The following FRYL variants were observed in gnomAD, a reference collection of about 807,000 sequenced individuals.
FRYL encodes the protein protein furry homolog-like.
FRYL carries 150 observed loss-of-function variants against 351.2 expected under a neutral mutation model. The ratio of observed to expected loss-of-function variants is 0.43; its 90% CI spans 0.37 to 0.49. The LOEUF is 0.49. Among genes scored for constraint, FRYL ranks in the 20% least tolerant of loss-of-function variants. The pLI is 0.00. For synonymous variants in FRYL, 1,153 were observed against 1,257.1 expected (o/e 0.92, Z 1.75); for missense variants, 3,036 against 3,619.3 (o/e 0.84, Z 4.13).
intron 46 of FRYL, 49 bp downstream of exon 46, chr4:48,540,304 A>AT (rs1560565013): frequency 5.8e-6 from 9 of 1,557,964 alleles, no homozygotes; most frequent in Non-Finnish European, 7.8e-6. Flanking sequence ...ATTAGTTTAC[A>AT]TTTTACTGCA....
intron 2 of FRYL, among the ~76,000 whole-genome samples, chr4:48,689,283 T>C (rs537853510): frequency 1.8e-4 from 28 of 152,332 alleles, no homozygotes; most frequent in African/African-American, 6.5e-4. Context: ...ACAGTTTCAT[T>C]CATTAAATCA....
At position 48,573,183 on chromosome 4, in the gene FRYL, C is replaced by G; in HGVS notation, c.2904+3G>C. 6.2e-7 allele frequency: 1 copy of G among 1,609,462 alleles called. No individual in the cohort carries two copies. Among genetic ancestry groups the G allele is most frequent in the Non-Finnish European group, 8.5e-7 (1 of 1,176,066 alleles). On this transcript the variant is annotated splice_donor_region_variant and intron_variant, in intron 26 of 63. Coordinates refer to ENST00000358350, the MANE Select transcript of FRYL (RefSeq NM_015030.2). ...TAATACAAGGCTGCAGAACACAGCT[C>G]ACCTCTGGCCTTCTTTCGAGTGCTT...
At chr4:48,583,777 C>T (rs1478545482) in intron 19 of FRYL, among the ~76,000 whole-genome samples, 3 of 151,782 alleles carry the variant, frequency 2.0e-5, no homozygotes, top group South Asian at 2.1e-4. Context: ...TGGTGGTGCA[C>T]GCCTGTAATC....
In FRYL at chr4:48,703,705, T is replaced by TA. The variant is rs1370349048; in HGVS notation, c.-204+6813dup. ...CAATGTAATAATGTGTCCCCACTTT[T>TA]ACATTCTCTCTTAGAATTCTTAACC... On this transcript the variant is annotated intron_variant, in intron 2 of 63. Transcript: ENST00000358350. 9.8e-5 allele frequency among the ~76,000 whole-genome samples: 15 copies of TA among 152,346 alleles called. 1 individual carries two copies. Among genetic ancestry groups the TA allele is most frequent in the African/African-American group, 3.4e-4 (14 of 41,590 alleles).
chr4:48,499,285 T>C lies in FRYL; in HGVS notation c.*137A>G, dbSNP rs1719030040. ...TCTTTCAGATCTTTGTTTTTGATGA[T>C]ACAGTTTGACATTAGTTACACTAAA... On this transcript the variant is annotated 3_prime_UTR_variant, in exon 64 of 64. Transcript: ENST00000358350. 19 of 711,278 alleles carry C rather than the reference T, an allele frequency of 2.7e-5. No individual in the cohort carries two copies. Among genetic ancestry groups the C allele is most frequent in the Middle Eastern group, 6.3e-4 (2 of 3,178 alleles). 44.1% of individuals were successfully genotyped at this position (711,278 alleles called of 1,614,324 possible).
At chr4:48,675,160 G>T (rs1282722648) in intron 3 of FRYL, among the ~76,000 whole-genome samples, 1 of 152,210 alleles carries the variant, frequency 6.6e-6, no homozygotes, top group Non-Finnish European at 1.5e-5. Context: ...CCATTCTCCT[G>T]AGAGGTGACA....
intron 29 of FRYL, among the ~76,000 whole-genome samples, 163 bp from the exon 30 acceptor site, chr4:48,565,206 T>G (rs1171135608): frequency 6.6e-6 from 1 of 152,058 alleles, no homozygotes; most frequent in Non-Finnish European, 1.5e-5. Context: ...TAAGTAAATA[T>G]GATACCAAAT....
At chr4:48,637,826 G>A (rs1304638466) in intron 3 of FRYL, 2 of 151,926 alleles carry the variant, frequency 1.3e-5, no homozygotes, top group Non-Finnish European at 2.9e-5. Flanking sequence ...TCTTTTTCAT[G>A]CTGATGAGAC....
At chr4:48,758,287 A>C (rs1321849170) in intron 1 of FRYL, among the ~76,000 whole-genome samples, 1 of 152,266 alleles carries the variant, frequency 6.6e-6, no homozygotes, top group African/African-American at 2.4e-5. Flanking sequence ...ATCAGAGTGA[A>C]CAGGCAACCT....
intron 4 of FRYL, among the ~76,000 whole-genome samples, chr4:48,626,108 C>T (rs867172192): frequency 2.0e-5 from 3 of 151,946 alleles, no homozygotes; most frequent in East Asian, 1.9e-4. Flanking sequence ...AATATAGCCA[C>T]GAAAGTTATG....
At chr4:48,581,392 A>G (rs772051388) in intron 21 of FRYL, 28 bp downstream of exon 21, 2 of 1,575,418 alleles carry the variant, frequency 1.3e-6, no homozygotes, top group Non-Finnish European at 1.7e-6. Flanking sequence ...CTTTCAATAG[A>G]TAACTGAATG....
intron 49 of FRYL, among the ~76,000 whole-genome samples, chr4:48,533,228 G>C (rs1728085122): frequency 6.6e-6 from 1 of 151,748 alleles, no homozygotes; most frequent in South Asian, 2.1e-4. Context: ...ATTCAATGTG[G>C]TATATGTTTC....
At chr4:48,579,414 T>C (rs918633090) in intron 22 of FRYL, among the ~76,000 whole-genome samples, 173 bp from the exon 23 acceptor site, 1 of 152,222 alleles carries the variant, frequency 6.6e-6, no homozygotes, top group Non-Finnish European at 1.5e-5. Flanking sequence ...GTAAAGTTTC[T>C]GTATGTGCAT....
intron 2 of FRYL, among the ~76,000 whole-genome samples, chr4:48,703,035 G>C (rs1040349088): frequency 4.6e-5 from 7 of 152,128 alleles, no homozygotes; most frequent in African/African-American, 1.7e-4. Context: ...ACCCATCTTG[G>C]CTGCCCAAAG....
At chr4:48,730,100 T>C (rs540482506) in intron 1 of FRYL, among the ~76,000 whole-genome samples, 40 of 152,222 alleles carry the variant, frequency 2.6e-4, no homozygotes, top group Non-Finnish European at 4.7e-4. Flanking sequence ...CAAGCTTCAA[T>C]AGCTGAGCCA....
At chr4:48,725,073 A>C (rs1329941142) in intron 1 of FRYL, among the ~76,000 whole-genome samples, 1 of 152,264 alleles carries the variant, frequency 6.6e-6, no homozygotes, top group Non-Finnish European at 1.5e-5. Context: ...ATCAATATAA[A>C]AGAGAAAATT....
At chr4:48,576,537 C>T (rs1034941943) in intron 23 of FRYL, among the ~76,000 whole-genome samples, 1 of 152,154 alleles carries the variant, frequency 6.6e-6, no homozygotes, top group Admixed American at 6.5e-5. Flanking sequence ...AACTCCTGAG[C>T]TCAGATGATC....
intron 27 of FRYL, among the ~76,000 whole-genome samples, chr4:48,569,966 C>T (rs939938028): frequency 2.0e-5 from 3 of 152,154 alleles, no homozygotes; most frequent in African/African-American, 7.2e-5. Context: ...GTGTCTGCCA[C>T]TATTCCTGGC....
chr4:48,587,744 C>T (rs1193930405), intron 18 of FRYL, among the ~76,000 whole-genome samples: 14 of 151,996 alleles, frequency 9.2e-5, no homozygotes, highest in African/African-American at 3.4e-4. Context: ...GGGGTTTCAC[C>T]ATGTTGGTCA....
Sources: gnomAD v4.1 joint callset for allele counts (sites outside exome capture counted in the v4.1 genomes callset) on GRCh38, gnomAD v4.1.1 for gene constraint, MANE v1.5 for transcripts, NCBI Gene and HGNC (gene_info 2026-07-23, HGNC 2026-07-21) for gene names.